Variants in DPYD observed in about 807,000 individuals in gnomAD.
DPYD encodes dihydropyrimidine dehydrogenase [NADP(+)].
A neutral mutation model predicts 116.2 loss-of-function variants in DPYD; 109 were observed. That is an observed-to-expected ratio of 0.94 (90% CI 0.80 to 1.10). The LOEUF (loss-of-function observed/expected upper bound fraction) is 1.10, where lower values mean the gene tolerates loss of function less well. DPYD is among the 50% of genes least tolerant of loss of function. The pLI, the probability that DPYD is intolerant of heterozygous loss-of-function variation, is 0.00. For synonymous variants in DPYD, 440 were observed against 432.0 expected (o/e 1.02, Z -0.23); for missense variants, 1,302 against 1,254.5 (o/e 1.04, Z -0.57).
At chr1:97,594,920 T>G in intron 9 of DPYD, 139 bp downstream of exon 9, 1 of 623,930 alleles carries the variant, frequency 1.6e-6, no homozygotes. Context: ...GGCCTTTTTT[T>G]TTTTAATTTT....
At chr1:97,216,071 CT>C (rs962749639) in intron 19 of DPYD, among the ~76,000 whole-genome samples, 2 of 152,094 alleles carry the variant, frequency 1.3e-5, no homozygotes, top group Admixed American at 1.3e-4. Flanking sequence ...GCTTTTATTG[CT>C]TTTTCCATAA....
At chr1:97,443,488 T>C (rs1308915013) in intron 14 of DPYD, among the ~76,000 whole-genome samples, 2 of 152,164 alleles carry the variant, frequency 1.3e-5, no homozygotes, top group African/African-American at 4.8e-5. Context: ...TTATTTAAAA[T>C]AAATCAGCAT....
At chr1:97,207,630 C>A (rs986185248) in intron 19 of DPYD, among the ~76,000 whole-genome samples, 3 of 152,110 alleles carry the variant, frequency 2.0e-5, no homozygotes, top group Admixed American at 6.6e-5. Flanking sequence ...TGACTGAATT[C>A]ACACTATCAA....
At chr1:97,615,770 A>G (rs778838186) in intron 8 of DPYD, among the ~76,000 whole-genome samples, 1 of 152,146 alleles carries the variant, frequency 6.6e-6, no homozygotes, top group African/African-American at 2.4e-5. Context: ...AGCAAGGAAT[A>G]TAAGGCCCTT....
At chr1:97,332,386 G>A (rs867782146) in intron 16 of DPYD, among the ~76,000 whole-genome samples, 6 of 152,078 alleles carry the variant, frequency 3.9e-5, no homozygotes, top group Non-Finnish European at 2.9e-5. Context: ...AAACACACAC[G>A]CATATATGTA....
At chr1:97,388,399 T>A (rs1027185086) in intron 14 of DPYD, among the ~76,000 whole-genome samples, 5 of 151,946 alleles carry the variant, frequency 3.3e-5, no homozygotes, top group African/African-American at 1.2e-4. Context: ...GTATTTGAAG[T>A]CACCAGGCTA....
At chr1:97,556,433 C>T (rs1298933792) in intron 11 of DPYD, among the ~76,000 whole-genome samples, 11 of 147,938 alleles carry the variant, frequency 7.4e-5, no homozygotes, top group African/African-American at 1.3e-4. Flanking sequence ...TATACATGTG[C>T]CATGCTGGTG....
At chr1:97,715,215 T>A (rs1253831904) in intron 5 of DPYD, among the ~76,000 whole-genome samples, 1 of 151,960 alleles carries the variant, frequency 6.6e-6, no homozygotes, top group Non-Finnish European at 1.5e-5. Context: ...CATTTTTGAG[T>A]GAGATATTAC....
chr1:97,314,490 C>CTTTTTTT (rs66629750), intron 16 of DPYD, among the ~76,000 whole-genome samples: 8 of 123,362 alleles, frequency 6.5e-5, no homozygotes, highest in Non-Finnish European at 8.3e-5. Context: ...CTAAAGCTTT[C>CTTTTTTT]TTTTTTTTTT....
intron 1 of DPYD, among the ~76,000 whole-genome samples, chr1:97,916,707 C>T (rs1287169329): frequency 2.6e-5 from 4 of 152,256 alleles, no homozygotes; most frequent in Admixed American, 1.3e-4. Flanking sequence ...ACTACCAAAA[C>T]TATTCATCTG....
At chr1:97,637,475 C>T (rs1657635499) in intron 8 of DPYD, among the ~76,000 whole-genome samples, 1 of 151,648 alleles carries the variant, frequency 6.6e-6, no homozygotes, top group African/African-American at 2.4e-5. Context: ...AGACACTGAA[C>T]ATAAGAGAGT....
intron 16 of DPYD, among the ~76,000 whole-genome samples, chr1:97,314,845 A>C (rs559250849): frequency 6.6e-6 from 1 of 152,070 alleles, no homozygotes; most frequent in South Asian, 2.1e-4. Context: ...TAAACAGATC[A>C]ATGAACACCT....
chr1:97,260,387 T>C (rs1488359751), intron 18 of DPYD, among the ~76,000 whole-genome samples: 2 of 152,106 alleles, frequency 1.3e-5, no homozygotes, highest in Non-Finnish European at 2.9e-5. Flanking sequence ...TGTACTATCA[T>C]ATTTATAACA....
intron 16 of DPYD, among the ~76,000 whole-genome samples, chr1:97,364,029 G>A (rs1670895489): frequency 6.6e-6 from 1 of 152,086 alleles, no homozygotes; most frequent in African/African-American, 2.4e-5. Flanking sequence ...TGGCTGAGTA[G>A]TATTCCATGA....
At chr1:97,791,981 A>T (rs1667342887) in intron 3 of DPYD, among the ~76,000 whole-genome samples, 1 of 152,132 alleles carries the variant, frequency 6.6e-6, no homozygotes. Context: ...AGTTTGAGAA[A>T]CCAATTACAA....
At chr1:97,302,204 G>A (rs1178418070) in intron 18 of DPYD, among the ~76,000 whole-genome samples, 1 of 151,976 alleles carries the variant, frequency 6.6e-6, no homozygotes, top group Non-Finnish European at 1.5e-5. Flanking sequence ...ACTGTCCAAA[G>A]AAAGGTACAG....
In DPYD at chr1:97,546,829, C is replaced by T. The variant is rs536794417; in HGVS notation, c.1524+2731G>A. 200 of 1,612,320 alleles carry T rather than the reference C, an allele frequency of 1.2e-4. 1 individual carries two copies. In the African/African-American group the frequency reaches 2.4e-3, roughly 20 times the overall value. On this transcript the variant is annotated intron_variant, in intron 12 of 22. Coordinates refer to ENST00000370192, the MANE Select transcript of DPYD (RefSeq NM_000110.4). ...GATTAAACCATTGAAGTTGGAAGTTCATGAGGCCAAGCCTGTGCCAGAAAA... is the reference window on the plus strand; with the variant it reads ...GATTAAACCATTGAAGTTGGAAGTTTATGAGGCCAAGCCTGTGCCAGAAAA...
chr1:97,899,962 GC>G (rs776851453), intron 1 of DPYD, among the ~76,000 whole-genome samples: 16 of 151,906 alleles, frequency 1.1e-4, no homozygotes, highest in Middle Eastern at 3.2e-3. Flanking sequence ...GCCTCAGTAT[GC>G]ACTCCATCCT....
At chr1:97,524,672 C>A (rs1648923820) in intron 12 of DPYD, among the ~76,000 whole-genome samples, 1 of 152,088 alleles carries the variant, frequency 6.6e-6, no homozygotes, top group African/African-American at 2.4e-5. Context: ...CTAATCATCT[C>A]TTCTTTCTTT....
Sources: allele counts gnomAD v4.1 joint callset (sites outside exome capture counted in the v4.1 genomes callset), GRCh38; gene constraint gnomAD v4.1.1; transcripts MANE v1.5; gene names NCBI Gene and HGNC (gene_info 2026-07-23, HGNC 2026-07-21).